The following DLEC1 variants were observed in gnomAD, a reference collection of about 807,000 sequenced individuals.
DLEC1 encodes DLEC1 cilia and flagella associated protein.
In DLEC1, 146 loss-of-function variants were observed where a neutral mutation model predicts 198.1. That is an observed-to-expected ratio of 0.74 (90% CI 0.64 to 0.85). DLEC1 has a LOEUF of 0.85. Ranked by LOEUF, DLEC1 falls within the 40% of genes least tolerant of loss-of-function variation. The pLI is 0.00. For missense variants in DLEC1, 2,233 were observed against 2,220.0 expected (o/e 1.01, Z -0.12); for synonymous variants, 897 against 866.8 (o/e 1.03, Z -0.61).
At chr3:38,052,278 C>CA (rs1337933021) in intron 2 of DLEC1, 9 of 471,958 alleles carry the variant, frequency 1.9e-5, no homozygotes, top group African/African-American at 1.8e-4. Flanking sequence ...TGTGGGACCT[C>CA]AACATAGAGA....
At chr3:38,082,840 G>A (rs189434320) in intron 6 of DLEC1, among the ~76,000 whole-genome samples, 188 of 152,302 alleles carry the variant, frequency 1.2e-3, no homozygotes, top group Non-Finnish European at 1.5e-3. Flanking sequence ...GCCTCCCTGC[G>A]TGGTCTGACA....
rs76016636 is a variant in DLEC1 at position 38,116,309 on chromosome 3, G to A, written c.3857-144G>A. 39 of 708,068 alleles carry A rather than the reference G, an allele frequency of 5.5e-5. No individual in the cohort carries two copies. The East Asian group carries it at 8.4e-4, about 15-fold the overall frequency. 43.9% of individuals were successfully genotyped at this position (708,068 alleles called of 1,614,324 possible). A position where few individuals can be genotyped will look rare whatever the true frequency, so the allele number is the denominator to read the frequency against. On this transcript the variant is annotated intron_variant, in intron 27 of 36. Transcript: ENST00000308059. ...TTTTAAATGAGAATTGCCTGGAAGT[G>A]GCATTAGAGAGGCAGAGAGGCACCC... is the stretch of plus-strand genomic sequence containing the variant.
rs1231885873 is a variant in DLEC1 at position 38,097,394 on chromosome 3, C to T, written c.2435-113C>T. Reference sequence around the variant, plus strand: ...TGTCCTGTGACTGCTCTGGCTGAGGCCTGGGATGTGAGGGAGATGAGAAGT... The same window carrying T: ...TGTCCTGTGACTGCTCTGGCTGAGGTCTGGGATGTGAGGGAGATGAGAAGT... On this transcript the variant is annotated intron_variant, in intron 16 of 36. Coordinates refer to ENST00000308059, the MANE Select transcript of DLEC1 (RefSeq NM_007335.4). The T allele has an allele frequency of 1.3e-6, 2 of 1,560,576 alleles. 1 individual carries two copies. The highest frequency in any genetic ancestry group is 3.6e-5 in the Admixed American group (2 of 54,996).
Position 38,116,412 on chromosome 3 carries a change from T to C in DLEC1, c.3857-41T>C, listed in dbSNP as rs369929228. ...GAGGGGGCCCCGGGGGGTTGTCTGC[T>C]CCTCCCTTATTCCTCACCCTGCTCC... On this transcript the variant is annotated intron_variant, in intron 27 of 36. Transcript: ENST00000308059. 19 of 1,609,536 alleles carry C rather than the reference T, an allele frequency of 1.2e-5. No individual in the cohort carries two copies. The African/African-American group carries it at 1.9e-4, about 16-fold the overall frequency.
At chr3:38,062,421 A>G in intron 4 of DLEC1, 53 bp downstream of exon 4, 1 of 1,607,798 alleles carries the variant, frequency 6.2e-7, no homozygotes, top group Non-Finnish European at 8.5e-7. Context: ...AGAGGCAGTG[A>G]AGGGGAAGGC....
intron 19 of DLEC1, among the ~76,000 whole-genome samples, chr3:38,106,756 A>C (rs1699587322): frequency 8.2e-6 from 1 of 122,478 alleles, no homozygotes; most frequent in Non-Finnish European, 1.9e-5. Flanking sequence ...ACTCTATCTC[A>C]AAAAAAAAAA....
At chr3:38,109,620 G>T (rs573047235) in intron 22 of DLEC1, 58 bp downstream of exon 22, 2 of 1,609,564 alleles carry the variant, frequency 1.2e-6, no homozygotes, top group Non-Finnish European at 1.7e-6. Context: ...AGGCAGCCGC[G>T]CCCAGGACCA....
chr3:38,074,303 G>C (rs950429344), intron 6 of DLEC1, among the ~76,000 whole-genome samples: 1 of 152,236 alleles, frequency 6.6e-6, no homozygotes, highest in African/African-American at 2.4e-5. Flanking sequence ...CCTTGAAGGT[G>C]AGGTTGATTA....
chr3:38,118,649 T>G (rs561882814), intron 33 of DLEC1, among the ~76,000 whole-genome samples: 50 of 152,160 alleles, frequency 3.3e-4, no homozygotes, highest in African/African-American at 1.2e-3. Flanking sequence ...ACAGTGGGCT[T>G]CCAGGGTGTG....
rs1181469138 is a variant in DLEC1 at position 38,062,215 on chromosome 3, G to A, written c.720G>A (p.Lys240=). The A allele has an allele frequency of 4.3e-6, 7 of 1,614,134 alleles. No homozygotes were observed. The African/African-American group carries it at 8.0e-5, about 18-fold the overall frequency. The change falls in exon 4 of 37, where the codon AAG becomes AAA. Residue 240 remains lysine (K), a synonymous_variant. Coordinates refer to ENST00000308059, the MANE Select transcript of DLEC1 (RefSeq NM_007335.4). ...CAAAACTGACATTTAGCTGTGAGAA[G>A]CGTTCCGTCCAGAAGAAAGAGCTGA... ...GCSKLTFSCE[K]RSVQKKELNK... is the part of the protein sequence containing the mutation.
intron 6 of DLEC1, among the ~76,000 whole-genome samples, chr3:38,064,804 C>T (rs1241378222): frequency 6.6e-6 from 1 of 151,878 alleles, no homozygotes; most frequent in South Asian, 2.1e-4. Flanking sequence ...AGACGCTCCT[C>T]ACTTCCTAGA....
chr3:38,086,753 TTAACA>T (rs1479738859), intron 9 of DLEC1, among the ~76,000 whole-genome samples: 1 of 152,210 alleles, frequency 6.6e-6, no homozygotes. Flanking sequence ...GGCACAGCAC[TTAACA>T]TTTTCTGAGC....
intron 6 of DLEC1, among the ~76,000 whole-genome samples, chr3:38,082,812 G>A (rs1354819939): frequency 1.3e-5 from 2 of 152,118 alleles, no homozygotes; most frequent in African/African-American, 2.4e-5. Context: ...TGCCGCTAAG[G>A]GTGAAGGACC....
intron 22 of DLEC1, chr3:38,109,843 C>T (rs1288637943): frequency 1.4e-6 from 1 of 690,142 alleles, no homozygotes; most frequent in Non-Finnish European, 2.4e-6. Flanking sequence ...TGGGCTTGCC[C>T]ACATGAGGCC....
intron 6 of DLEC1, among the ~76,000 whole-genome samples, chr3:38,076,402 G>A (rs1697621462): frequency 6.6e-6 from 1 of 152,180 alleles, no homozygotes; most frequent in Non-Finnish European, 1.5e-5. Context: ...AGTGAAGGGA[G>A]ATGGGGTGGG....
intron 17 of DLEC1, 43 bp from the exon 18 acceptor site, chr3:38,097,701 C>A (rs774578004): frequency 5.0e-6 from 8 of 1,613,338 alleles, no homozygotes; most frequent in African/African-American, 1.3e-5. Context: ...GGACACTGAG[C>A]CATCCCCAGG....
intron 27 of DLEC1, 141 bp downstream of exon 27, chr3:38,115,194 G>A: frequency 1.2e-6 from 1 of 819,270 alleles, no homozygotes; most frequent in East Asian, 2.7e-5. Flanking sequence ...TTACGGAAGT[G>A]TGGATGGGCC....
rs1339502734 is a variant in DLEC1 at position 38,084,350 on chromosome 3, AGTG to A, written c.1261+114_1261+116del. 3.0e-4 allele frequency: 302 copies of A among 992,908 alleles called. 4 individuals carry two copies. Among genetic ancestry groups the A allele is most frequent in the Non-Finnish European group, 4.0e-4 (271 of 671,602 alleles). 61.5% of individuals were successfully genotyped at this position (992,908 alleles called of 1,614,324 possible). ...TAGTAATGGTAGCAATGATAGTAGT[AGTG>A]GTGGTGGTAGTAGTAGTAGTGATGG... On this transcript the variant is annotated intron_variant, in intron 7 of 36. Coordinates refer to ENST00000308059, the MANE Select transcript of DLEC1 (RefSeq NM_007335.4).
chr3:38,041,715 G>A (rs1009383725), intron 1 of DLEC1, among the ~76,000 whole-genome samples: 4 of 151,696 alleles, frequency 2.6e-5, no homozygotes, highest in Non-Finnish European at 5.9e-5. Context: ...GGGCGTGGTG[G>A]TGTGTGACTG....
Sources: allele counts gnomAD v4.1 joint callset (sites outside exome capture counted in the v4.1 genomes callset), GRCh38; gene constraint gnomAD v4.1.1; transcripts MANE v1.5; gene names NCBI Gene and HGNC (gene_info 2026-07-23, HGNC 2026-07-21).